NUDT5: variants seen among roughly 807,000 people sequenced by gnomAD.
NUDT5 encodes the protein ADP-sugar pyrophosphatase.
Under a neutral mutation model 34.1 loss-of-function variants are expected in NUDT5, and 21 were observed. That is an observed-to-expected ratio of 0.62 (90% CI 0.44 to 0.89). The LOEUF (loss-of-function observed/expected upper bound fraction) is 0.89, where lower values mean the gene tolerates loss of function less well. Among genes scored for constraint, NUDT5 ranks in the 40% least tolerant of loss-of-function variants. NUDT5 has a pLI of 0.00. For synonymous variants in NUDT5, 85 were observed against 97.6 expected, an observed-to-expected ratio of 0.87 and a Z score of 0.76; for missense variants, 249 against 274.8, an observed-to-expected ratio of 0.91 and a Z score of 0.66.
rs912222396 is a variant in NUDT5 at position 12,182,155 on chromosome 10, T to C, written c.131+2734A>G. Among the ~76,000 whole-genome samples the C allele has an allele frequency of 6.6e-6, 1 of 150,710 alleles. No homozygotes were observed. The highest frequency in any genetic ancestry group is 1.5e-5 in the Non-Finnish European group (1 of 67,694). On this transcript the variant is annotated intron_variant, in intron 3 of 9. Transcript: ENST00000491614. The surrounding 1 kb of genome is among the most constrained non-coding windows in gnomAD (Gnocchi z 4.3). The stretch of plus-strand genomic sequence containing the variant: ...GGGTAAAAAAAAAAAAAAAGAAGGA[T>C]ATAGCTGAGCTGAAGGGGAGGGTTC...
At chr10:12,190,149 A>G (rs1564427856) in intron 1 of NUDT5, among the ~76,000 whole-genome samples, 1 of 152,190 alleles carries the variant, frequency 6.6e-6, no homozygotes, top group East Asian at 1.9e-4. Flanking sequence ...TCGGCCTGCC[A>G]AAGTGCTGGA....
intron 3 of NUDT5, among the ~76,000 whole-genome samples, chr10:12,180,063 T>C (rs971709669): frequency 3.3e-5 from 5 of 152,212 alleles, no homozygotes; most frequent in African/African-American, 1.2e-4. Context: ...TGCATCTCGA[T>C]AGTAAGAGCT....
In NUDT5 at chr10:12,170,494, A is replaced by C. The variant is rs1355540439; in HGVS notation, c.550+223T>G. 1.6e-6 allele frequency: 1 copy of C among 631,072 alleles called. No homozygotes were observed. Among genetic ancestry groups the C allele is most frequent in the Non-Finnish European group, 2.8e-6 (1 of 357,850 alleles). The allele number at this position is 631,072 out of a possible 1,614,324, so 39.1% of individuals were successfully genotyped here. ...TTCTGTAGGAGAAAAAGCCTCTACC[A>C]AAAGTTTGCACTTGACCCAGAATGC... On this transcript the variant is annotated intron_variant, in intron 9 of 9. Coordinates refer to ENST00000491614, the MANE Select transcript of NUDT5 (RefSeq NM_014142.4). This position sits in a 1 kb window ranked among gnomAD's most constrained non-coding sequence, Gnocchi z 4.9.
intron 6 of NUDT5, 31 bp from the exon 7 acceptor site, chr10:12,172,897 A>ACT: frequency 6.8e-7 from 1 of 1,472,670 alleles, no homozygotes; most frequent in Non-Finnish European, 9.5e-7. Context: ...CAGATGCGTC[A>ACT]GTCCCTTTGG....
intron 3 of NUDT5, chr10:12,184,433 T>C: frequency 1.4e-6 from 2 of 1,461,648 alleles, no homozygotes; most frequent in East Asian, 2.5e-5. Flanking sequence ...ACACATATTA[T>C]GAAATAGGGT....
chr10:12,192,919 T>C (rs1388630868), intron 1 of NUDT5, among the ~76,000 whole-genome samples: 2 of 149,414 alleles, frequency 1.3e-5, no homozygotes, highest in Non-Finnish European at 3.0e-5. Flanking sequence ...AAAATTTGGG[T>C]ACCCACAATT....
chr10:12,179,403 C>T (rs891690847), intron 3 of NUDT5, among the ~76,000 whole-genome samples: 2 of 152,146 alleles, frequency 1.3e-5, no homozygotes, highest in South Asian at 4.1e-4. Flanking sequence ...TGTGAGCTGC[C>T]GCTTTCTCAG....
At chr10:12,188,504 G>A (rs1046376604) in intron 1 of NUDT5, among the ~76,000 whole-genome samples, 1 of 152,124 alleles carries the variant, frequency 6.6e-6, no homozygotes, top group African/African-American at 2.4e-5. Flanking sequence ...AGGCCAGGGC[G>A]GGTGGATCAC....
intron 1 of NUDT5, among the ~76,000 whole-genome samples, chr10:12,194,084 A>G (rs1022933713): frequency 6.6e-6 from 1 of 152,202 alleles, no homozygotes; most frequent in Non-Finnish European, 1.5e-5. Flanking sequence ...GCCATGTTGG[A>G]CAGGCTGGTC....
In NUDT5 at chr10:12,186,149, A is replaced by C. The variant is rs1024531703; in HGVS notation, c.63+80T>G. 3.6e-6 allele frequency: 4 copies of C among 1,096,014 alleles called. No individual in the cohort carries two copies. The African/African-American group carries it at 6.2e-5, about 17-fold the overall frequency. 67.9% of individuals were successfully genotyped at this position (1,096,014 alleles called of 1,614,324 possible). ...CTGTCTTCAAGAATGAAAGACCACC[A>C]TTGTAACAACAGTCTATATATTTCT... is the stretch of plus-strand genomic sequence containing the variant. On this transcript the variant is annotated intron_variant, in intron 2 of 9. Coordinates refer to ENST00000491614, the MANE Select transcript of NUDT5 (RefSeq NM_014142.4).
In NUDT5 at chr10:12,170,952, G is replaced by A. The variant is rs1375479994; in HGVS notation, c.488-44C>T. On this transcript the variant is annotated intron_variant, in intron 7 of 9. Transcript: ENST00000491614. The surrounding 1 kb of genome is among the most constrained non-coding windows in gnomAD (Gnocchi z 4.9). The stretch of plus-strand genomic sequence containing the variant: ...AAAACATTTCAGCAAGGCCTGGAGT[G>A]GTAACATCGGAAGACTTTTATACAA... The A allele has an allele frequency of 1.2e-6, 2 of 1,605,508 alleles. No homozygotes were observed. Among genetic ancestry groups the A allele is most frequent in the Non-Finnish European group, 1.7e-6 (2 of 1,175,552 alleles).
intron 5 of NUDT5, among the ~76,000 whole-genome samples, chr10:12,174,680 A>T (rs1262229191): frequency 1.3e-5 from 2 of 152,260 alleles, no homozygotes; most frequent in Admixed American, 1.3e-4. Context: ...CAGATCCATC[A>T]TGAGCCTTCA....
chr10:12,186,170 T>A, intron 2 of NUDT5, 59 bp downstream of exon 2: 1 of 1,253,484 alleles, frequency 8.0e-7, no homozygotes, highest in Non-Finnish European at 1.2e-6. Context: ...AGTCTATATA[T>A]TTCTGCTAAA....
At chr10:12,177,976 A>C (rs189090771) in intron 4 of NUDT5, 76 bp from the exon 5 acceptor site, 1 of 1,026,592 alleles carries the variant, frequency 9.7e-7, no homozygotes, top group Non-Finnish European at 1.5e-6. Flanking sequence ...AGAGCAAGCT[A>C]ATGAAAACCC....
chr10:12,184,501 T>C lies in NUDT5; in HGVS notation c.131+388A>G, dbSNP rs754907850. ...CATGAGGCAGGCACGTACCTCAAAA[T>C]TAGCAATGTTGTTGTTTTCTCTTTA... is the stretch of plus-strand genomic sequence containing the variant. On this transcript the variant is annotated intron_variant, in intron 3 of 9. Transcript: ENST00000491614. 7 of 1,552,392 alleles carry C rather than the reference T, an allele frequency of 4.5e-6. No homozygotes were observed. The Admixed American group carries it at 1.2e-4, about 26-fold the overall frequency.
At chr10:12,177,960 T>C (rs1457671693) in intron 4 of NUDT5, 60 bp from the exon 5 acceptor site, 10 of 1,269,484 alleles carry the variant, frequency 7.9e-6, no homozygotes, top group Non-Finnish European at 1.1e-5. Flanking sequence ...TGCCAGCACA[T>C]TGTTTAGAGC....
chr10:12,168,826 G>A lies in NUDT5; in HGVS notation c.551-1015C>T, dbSNP rs1323447928. Among the ~76,000 whole-genome samples the A allele has an allele frequency of 1.3e-5, 2 of 151,934 alleles. No homozygotes were observed. The highest frequency in any genetic ancestry group is 6.6e-5 in the Admixed American group (1 of 15,242). ...TCGCCAGGCTGCAGTGCAGTGCCAC[G>A]ATCTTGGCTCACTGCAACCTGCGCC... is the stretch of plus-strand genomic sequence containing the variant. On this transcript the variant is annotated intron_variant, in intron 9 of 9. Coordinates refer to ENST00000491614, the MANE Select transcript of NUDT5 (RefSeq NM_014142.4). The surrounding 1 kb of genome is among the most constrained non-coding windows in gnomAD (Gnocchi z 4.8).
intron 1 of NUDT5, among the ~76,000 whole-genome samples, chr10:12,195,524 C>G (rs1006833093): frequency 2.0e-5 from 3 of 152,230 alleles, no homozygotes; most frequent in African/African-American, 7.2e-5. Context: ...AATCTTTACA[C>G]TGGAACTAAC....
intron 3 of NUDT5, among the ~76,000 whole-genome samples, chr10:12,179,823 C>A (rs895876302): frequency 2.6e-5 from 4 of 152,152 alleles, no homozygotes; most frequent in African/African-American, 9.7e-5. Context: ...TACTTTCTGG[C>A]CTTGGAACAT....
Sources: allele counts gnomAD v4.1 joint callset (sites outside exome capture counted in the v4.1 genomes callset), GRCh38; gene constraint gnomAD v4.1.1; non-coding constraint Gnocchi (gnomAD v3.1); transcripts MANE v1.5; gene names NCBI Gene and HGNC (gene_info 2026-07-23, HGNC 2026-07-21).